The following LARP4B variants were observed in gnomAD, a reference collection of about 807,000 sequenced individuals.
The protein encoded by LARP4B is La ribonucleoprotein 4B, also known as la-related protein 4B.
A neutral mutation model predicts 89.8 loss-of-function variants in LARP4B; 12 were observed. The ratio of observed to expected loss-of-function variants is 0.13; its 90% CI spans 0.09 to 0.22. The LOEUF (loss-of-function observed/expected upper bound fraction) is 0.22. Ranked by LOEUF, LARP4B falls within the 10% of genes least tolerant of loss-of-function variation. LARP4B has a pLI of 1.00. For missense variants in LARP4B, 757 were observed against 947.7 expected (o/e 0.80, Z 2.64); for synonymous variants, 367 against 363.3 (o/e 1.01, Z -0.12).
intron 1 of LARP4B, among the ~76,000 whole-genome samples, chr10:889,522 G>C (rs1030382166): frequency 1.3e-5 from 2 of 152,202 alleles, no homozygotes; most frequent in African/African-American, 4.8e-5. Context: ...CACACAGACA[G>C]TGGTCCTGGC....
At chr10:968,198 G>A in the LARP4B span, among the ~76,000 whole-genome samples, 4 of 152,122 alleles carry the variant, frequency 2.6e-5, no homozygotes, top group East Asian at 7.7e-4. Context: ...ATGAAACCTG[G>A]TAATTGGTAA....
At chr10:885,982 A>G (rs1835845953) in intron 1 of LARP4B, among the ~76,000 whole-genome samples, 2 of 152,180 alleles carry the variant, frequency 1.3e-5, no homozygotes, top group Admixed American at 1.3e-4. Flanking sequence ...GAAGATGGCC[A>G]CACTCTAAAA....
At chr10:890,974 G>C (rs201378985) in intron 1 of LARP4B, among the ~76,000 whole-genome samples, 1 of 152,120 alleles carries the variant, frequency 6.6e-6, no homozygotes, top group East Asian at 1.9e-4. Flanking sequence ...CGCTGTGGAT[G>C]CTTTTGCCAA....
chr10:866,487 G>C (rs932693337), intron 3 of LARP4B, among the ~76,000 whole-genome samples: 2 of 152,230 alleles, frequency 1.3e-5, no homozygotes, highest in African/African-American at 4.8e-5. Context: ...GCTACATGAG[G>C]GGGCAGGAGA....
At chr10:982,711 C>T in the LARP4B span, among the ~76,000 whole-genome samples, 1,826 of 152,274 alleles carry the variant, frequency 0.012, 44 homozygotes, top group African/African-American at 0.042. Context: ...CTTCTGTTTA[C>T]GGAGTATTGG....
At chr10:952,472 G>T in the LARP4B span, among the ~76,000 whole-genome samples, 10 of 135,346 alleles carry the variant, frequency 7.4e-5, no homozygotes, top group Non-Finnish European at 1.3e-4. Flanking sequence ...TTAAAAGGAA[G>T]AAATCGCACC....
At chr10:827,882 C>T (rs903715096) in intron 11 of LARP4B, among the ~76,000 whole-genome samples, 13 of 152,150 alleles carry the variant, frequency 8.5e-5, no homozygotes, top group African/African-American at 2.4e-4. Context: ...ATAGAATGTG[C>T]TACTTCAAAA....
chr10:817,353 A>T (rs1389746281), intron 15 of LARP4B, among the ~76,000 whole-genome samples: 1 of 152,266 alleles, frequency 6.6e-6, no homozygotes, highest in Non-Finnish European at 1.5e-5. Context: ...AGATTACTAC[A>T]CATTTTAATC....
At chr10:854,438 C>G (rs1159359134) in intron 5 of LARP4B, among the ~76,000 whole-genome samples, 1 of 152,152 alleles carries the variant, frequency 6.6e-6, no homozygotes, top group Non-Finnish European at 1.5e-5. Flanking sequence ...AACACAATGA[C>G]TCCTTGATCC....
At chr10:832,192 C>CG (rs1272250617) in intron 8 of LARP4B, among the ~76,000 whole-genome samples, 1 of 151,932 alleles carries the variant, frequency 6.6e-6, no homozygotes, top group Non-Finnish European at 1.5e-5. Context: ...TACAGGCACC[C>CG]GCCACCGCGC....
intron 1 of LARP4B, among the ~76,000 whole-genome samples, chr10:890,694 T>C (rs1468586980): frequency 2.0e-5 from 3 of 152,114 alleles, no homozygotes; most frequent in Non-Finnish European, 4.4e-5. Context: ...TTTGCAATTT[T>C]GTAGTTTGGA....
the LARP4B span, among the ~76,000 whole-genome samples, chr10:958,076 C>T: frequency 2.0e-5 from 3 of 152,288 alleles, no homozygotes; most frequent in Admixed American, 1.3e-4. Context: ...GGATTACAGG[C>T]GTGAGCCACG....
chr10:973,985 C>G, the LARP4B span, among the ~76,000 whole-genome samples: 1 of 152,184 alleles, frequency 6.6e-6, no homozygotes, highest in African/African-American at 2.4e-5. Context: ...GCCCTTTCCC[C>G]ATGTGGTCCT....
downstream of LARP4B, chr10:808,521 A>G (rs1831627752): frequency 6.6e-6 from 1 of 152,162 alleles, no homozygotes; most frequent in South Asian, 2.1e-4. Flanking sequence ...AGTGTAGAAT[A>G]GAGACCCTAG....
At chr10:888,688 G>T (rs1437890159) in intron 1 of LARP4B, among the ~76,000 whole-genome samples, 1 of 152,136 alleles carries the variant, frequency 6.6e-6, no homozygotes, top group Non-Finnish European at 1.5e-5. Flanking sequence ...AGACAATTAC[G>T]TACCTAATTT....
intron 7 of LARP4B, among the ~76,000 whole-genome samples, chr10:841,062 G>A (rs575515289): frequency 6.6e-6 from 1 of 152,192 alleles, no homozygotes; most frequent in Non-Finnish European, 1.5e-5. Flanking sequence ...GCTGAGGTAG[G>A]AGAATTGCTT....
chr10:964,516 C>T, the LARP4B span, among the ~76,000 whole-genome samples: 11 of 152,126 alleles, frequency 7.2e-5, no homozygotes, highest in South Asian at 6.2e-4. Flanking sequence ...GGATGTCAAA[C>T]GCTGTTGCAG....
chr10:941,375 C>T, the LARP4B span, among the ~76,000 whole-genome samples: 27 of 152,186 alleles, frequency 1.8e-4, no homozygotes, highest in East Asian at 7.7e-4. Flanking sequence ...AGTGCAGTGG[C>T]ATGATCTCGG....
the LARP4B span, chr10:942,865 C>G: frequency 6.6e-6 from 1 of 152,296 alleles, no homozygotes; most frequent in South Asian, 2.1e-4. Context: ...TGGAGAGGAG[C>G]CCACAGCCAA....
Sources: gnomAD v4.1 joint callset for allele counts (sites outside exome capture counted in the v4.1 genomes callset) on GRCh38, gnomAD v4.1.1 for gene constraint, MANE v1.5 for transcripts, NCBI Gene and HGNC (gene_info 2026-07-23, HGNC 2026-07-21) for gene names.